The following ACSL6 variants were observed in gnomAD, a reference collection of about 807,000 sequenced individuals.
ACSL6 encodes the protein long-chain-fatty-acid--CoA ligase 6.
Under a neutral mutation model 98.2 loss-of-function variants are expected in ACSL6, and 47 were observed. The ratio of observed to expected loss-of-function variants is 0.48; its 90% CI spans 0.38 to 0.61. The LOEUF (loss-of-function observed/expected upper bound fraction) is 0.61, where lower values mean the gene tolerates loss of function less well. Ranked by LOEUF, ACSL6 falls within the 20% of genes least tolerant of loss-of-function variation. ACSL6 has a pLI of 0.00. For synonymous variants in ACSL6, 362 were observed against 336.9 expected (o/e 1.07, Z -0.82); for missense variants, 761 against 913.4 (o/e 0.83, Z 2.15).
chr5:131,962,426 G>A (rs1235171941), intron 18 of ACSL6, 109 bp downstream of exon 18: 6 of 1,315,162 alleles, frequency 4.6e-6, no homozygotes, highest in African/African-American at 4.4e-5. Context: ...TTTCTCTCAT[G>A]TTTTAAAATG....
chr5:131,983,318 C>T (rs553535038), intron 9 of ACSL6: 1 of 151,574 alleles, frequency 6.6e-6, no homozygotes, highest in East Asian at 1.9e-4. Context: ...CCTCCCAGGC[C>T]TTCTTGGCCT....
intron 10 of ACSL6, chr5:131,975,173 A>T: frequency 7.2e-7 from 1 of 1,384,256 alleles, no homozygotes. Flanking sequence ...AGGGAGGGGG[A>T]AGGTGCAGAA....
At chr5:131,961,926 A>G (rs1245328410) in intron 18 of ACSL6, among the ~76,000 whole-genome samples, 5 of 152,072 alleles carry the variant, frequency 3.3e-5, no homozygotes, top group African/African-American at 1.2e-4. Context: ...TAATCCCAGC[A>G]CTCTGGGAGG....
chr5:131,992,818 T>C (rs1351844650), intron 2 of ACSL6, among the ~76,000 whole-genome samples: 2 of 152,250 alleles, frequency 1.3e-5, no homozygotes, highest in Non-Finnish European at 2.9e-5. Context: ...CCTCTCCAGA[T>C]GTGATATAGT....
chr5:131,955,516 T>C (rs1752357528), intron 20 of ACSL6, among the ~76,000 whole-genome samples: 1 of 152,128 alleles, frequency 6.6e-6, no homozygotes, highest in South Asian at 2.1e-4. Flanking sequence ...AACTAGGTGA[T>C]CTGCAGAGGC....
rs1310613331 is a variant in ACSL6, at chr5:131,995,945, C to T, written c.50-1694G>A. Among the ~76,000 whole-genome samples the T allele has an allele frequency of 5.9e-5, 9 of 152,324 alleles. No homozygotes were observed. In the South Asian group the frequency reaches 6.2e-4, roughly 11 times the overall value. ...TGCTTGTCAAACCAAGAGGACTGCT[C>T]AGCCCAGGACACATGAAAAGGGGTC... is the stretch of plus-strand genomic sequence containing the variant. On this transcript the variant is annotated intron_variant, in intron 1 of 20. Transcript: ENST00000651883.
intron 1 of ACSL6, among the ~76,000 whole-genome samples, chr5:132,005,064 A>G (rs925794892): frequency 5.3e-5 from 8 of 152,164 alleles, no homozygotes; most frequent in African/African-American, 1.9e-4. Flanking sequence ...AGGCAGGAGA[A>G]TCACTTGAAC....
chr5:131,994,372 G>T, intron 1 of ACSL6, 121 bp from the exon 2 acceptor site: 1 of 843,296 alleles, frequency 1.2e-6, no homozygotes, highest in Non-Finnish European at 1.9e-6. Flanking sequence ...GGGGAGTTGG[G>T]ATGTACAGAG....
intron 1 of ACSL6, among the ~76,000 whole-genome samples, chr5:132,008,548 C>T (rs58506858): frequency 0.017 from 2,618 of 152,324 alleles, 71 homozygotes; most frequent in African/African-American, 0.06. Context: ...CTACTACCCT[C>T]CTGGACTCCA....
chr5:131,979,033 T>C (rs957092808), intron 9 of ACSL6, among the ~76,000 whole-genome samples: 2 of 152,212 alleles, frequency 1.3e-5, no homozygotes, highest in Non-Finnish European at 2.9e-5. Context: ...TAAATAGCTG[T>C]CAAAATATCT....
In ACSL6 at chr5:131,973,266, C is replaced by G; in HGVS notation, c.1203G>C (p.Lys401Asn). The part of the protein sequence containing the change: ...VPRLLNRMYD[K>N]IFSQANTPLK... ...GCTGAAGACTCCCTGCAGAACTTAC[C>G]TTGTCGTACATCCGGTTCAGCAGTC... Residue 401 changes from lysine to asparagine, a missense_variant and splice_region_variant, in exon 12 of 21, where the codon AAG becomes AAC. Lys to Asn is a moderately conservative substitution (Grantham distance 94). Transcript: ENST00000651883. 6.2e-7 allele frequency: 1 copy of G among 1,613,978 alleles called. No homozygotes were observed. Among genetic ancestry groups the G allele is most frequent in the Non-Finnish European group, 8.5e-7 (1 of 1,179,932 alleles).
Position 131,959,583 on chromosome 5 carries a change from C to T in ACSL6, c.1984G>A (p.Asp662Asn). The change falls in exon 20 of 21, where the codon GAT (aspartate) becomes AAT (asparagine). Residue 662 changes from aspartate (D) to asparagine (N), a missense_variant. Asp to Asn is a conservative substitution (Grantham distance 23). Transcript: ENST00000651883. ...CTTTCTTTTCCTAACCTCACCATAT[C>T]TTCCAAAATGGCTTTCTTCAGATCC... ...NKDLKKAILE[D>N]MVRLGKESGL... is the part of the protein sequence containing the mutation. The T allele has an allele frequency of 6.2e-7, 1 of 1,614,200 alleles. No homozygotes were observed. Among genetic ancestry groups the T allele is most frequent in the Non-Finnish European group, 8.5e-7 (1 of 1,180,022 alleles).
intron 14 of ACSL6, among the ~76,000 whole-genome samples, chr5:131,971,306 T>A (rs1201435187): frequency 6.6e-6 from 1 of 152,194 alleles, no homozygotes; most frequent in African/African-American, 2.4e-5. Flanking sequence ...TTGCCCTTTG[T>A]GAAAAACTTC....
intron 20 of ACSL6, among the ~76,000 whole-genome samples, chr5:131,954,638 G>A (rs1369650112): frequency 6.6e-6 from 1 of 152,154 alleles, no homozygotes; most frequent in Non-Finnish European, 1.5e-5. Flanking sequence ...GAGGAATCAT[G>A]AATGCCTCTG....
At position 131,988,216 on chromosome 5, in the gene ACSL6, G is replaced by A; in HGVS notation, c.663C>T (p.Ser221=). Reference sequence around the variant, plus strand: ...TCTGAGGTTTGTCCACAATCACGGTGCTGATGTCCGCTGCAGGGGGCCATC... The same window carrying A: ...TCTGAGGTTTGTCCACAATCACGGTACTGATGTCCGCTGCAGGGGGCCATC... ...IRYIINTADI[S]TVIVDKPQKA... The change falls in exon 7 of 21, where the codon AGC becomes AGT. Residue 221 remains serine, a synonymous_variant. Transcript: ENST00000651883. 2 of 1,614,164 alleles carry A rather than the reference G, an allele frequency of 1.2e-6. No individual in the cohort carries two copies. The highest frequency in any genetic ancestry group is 1.7e-6 in the Non-Finnish European group (2 of 1,180,006).
chr5:131,978,059 G>A (rs942810362), intron 9 of ACSL6, among the ~76,000 whole-genome samples: 1 of 152,208 alleles, frequency 6.6e-6, no homozygotes, highest in Non-Finnish European at 1.5e-5. Context: ...GAGACCCAAT[G>A]AGAAAGATGA....
intron 5 of ACSL6, 58 bp from the exon 6 acceptor site, chr5:131,988,962 C>A: frequency 6.7e-7 from 1 of 1,498,602 alleles, no homozygotes; most frequent in Non-Finnish European, 9.3e-7. Flanking sequence ...GGCTGTCCTG[C>A]CCTTAGGCCT....
intron 9 of ACSL6, chr5:131,984,284 T>C (rs531740966): frequency 1.1e-4 from 16 of 152,344 alleles, no homozygotes; most frequent in Admixed American, 6.5e-4. Context: ...ATAATCCTGG[T>C]TGTAGGGCTG....
At chr5:131,988,489 G>C in intron 6 of ACSL6, 1 of 1,576,376 alleles carries the variant, frequency 6.3e-7, no homozygotes. Flanking sequence ...ATCATCCCAG[G>C]TCTGTTTGAG....
Sources: allele counts gnomAD v4.1 joint callset (sites outside exome capture counted in the v4.1 genomes callset), GRCh38; gene constraint gnomAD v4.1.1; transcripts MANE v1.5; gene names NCBI Gene and HGNC (gene_info 2026-07-23, HGNC 2026-07-21).